TDRD1: variants seen among roughly 807,000 people sequenced by gnomAD.
TDRD1 encodes tudor domain containing 1.
Under a neutral mutation model 140.6 loss-of-function variants are expected in TDRD1, and 37 were observed. The ratio of observed to expected loss-of-function variants is 0.26; its 90% CI spans 0.20 to 0.35. The LOEUF is 0.35. Among genes scored for constraint, TDRD1 ranks in the 10% least tolerant of loss-of-function variants. The pLI is 1.00. For synonymous variants in TDRD1, 506 were observed against 475.7 expected (o/e 1.06, Z -0.83); for missense variants, 1,243 against 1,393.0 (o/e 0.89, Z 1.71).
rs1484477485 is a variant in TDRD1 at position 114,220,553 on chromosome 10, G to C, written c.2495-15G>C. 2 of 1,599,466 alleles carry C rather than the reference G, an allele frequency of 1.3e-6. No homozygotes were observed. The highest frequency in any genetic ancestry group is 3.4e-5 in the Admixed American group (2 of 59,482). On this transcript the variant is annotated splice_polypyrimidine_tract_variant and intron_variant, in intron 18 of 25. Coordinates refer to ENST00000251864, the Ensembl canonical transcript of TDRD1. The stretch of plus-strand genomic sequence containing the variant: ...TGTTCATAGGATTCTTTTTACTGCT[G>C]TCCTTATTTTCTAGATATACAGTCT...
chr10:114,211,117 A>T, intron 13 of TDRD1, 150 bp downstream of exon 13: 1 of 637,740 alleles, frequency 1.6e-6, no homozygotes. Context: ...ATGTTTTTAA[A>T]TAGATCAAAT....
At chr10:114,211,063 A>C in intron 13 of TDRD1, 96 bp downstream of exon 13, 1 of 930,116 alleles carries the variant, frequency 1.1e-6, no homozygotes, top group South Asian at 1.9e-5. Flanking sequence ...TTTGGTTTGC[A>C]CTGATGGCTG....
chr10:114,203,994 A>G (rs919169715), intron 8 of TDRD1, 79 bp from the exon 9 acceptor site: 67 of 1,521,952 alleles, frequency 4.4e-5, no homozygotes, highest in Middle Eastern at 4.7e-4. Flanking sequence ...TGCACGTTCT[A>G]TAGATTGATT....
intron 16 of TDRD1, among the ~76,000 whole-genome samples, chr10:114,214,878 T>C (rs2035713357): frequency 6.6e-6 from 1 of 152,136 alleles, no homozygotes; most frequent in East Asian, 1.9e-4. Context: ...GCTGGGACTA[T>C]AGGCATGTGC....
intron 3 of TDRD1, among the ~76,000 whole-genome samples, chr10:114,194,487 T>C (rs1459695699): frequency 6.6e-6 from 1 of 152,152 alleles, no homozygotes; most frequent in Non-Finnish European, 1.5e-5. Context: ...CCAGTATTAT[T>C]TTCAGTATTA....
chr10:114,186,234 TC>T (rs1484963082), intron 1 of TDRD1, among the ~76,000 whole-genome samples: 1 of 151,844 alleles, frequency 6.6e-6, no homozygotes, highest in Non-Finnish European at 1.5e-5. Flanking sequence ...ACTTTATTCC[TC>T]CCCCAACCAC....
chr10:114,229,803 CTA>C (rs201590552), intron 25 of TDRD1, among the ~76,000 whole-genome samples: 109 of 144,358 alleles, frequency 7.6e-4, no homozygotes, highest in African/African-American at 2.4e-3. Context: ...TATCAAGTCA[CTA>C]TATATATATA....
chr10:114,221,495 A>G lies in TDRD1; in HGVS notation c.2890+19A>G, dbSNP rs369724149. 73 of 1,608,956 alleles carry G rather than the reference A, an allele frequency of 4.5e-5. No individual in the cohort carries two copies. Among genetic ancestry groups the G allele is most frequent in the Non-Finnish European group, 6.1e-5 (72 of 1,177,594 alleles). ...ATGCCAGGTAAGAAACCAAAATTTG[A>G]GACATATTTATGCTCATCTTTTAAA... On this transcript the variant is annotated intron_variant, in intron 20 of 25. Coordinates refer to ENST00000251864, the Ensembl canonical transcript of TDRD1.
At chr10:114,221,414 A>G (rs771342612) in exon 20 of TDRD1, 1 of 1,613,434 alleles carries the variant, frequency 6.2e-7, no homozygotes, top group Non-Finnish European at 8.5e-7. Context: ...AAAACTATAC[A>G]AGCAAATGTA....
At position 114,228,136 on chromosome 10, in the gene TDRD1, T is replaced by G. The variant is rs957264092; in HGVS notation, c.3538+11T>G. 6 of 1,570,286 alleles carry G rather than the reference T, an allele frequency of 3.8e-6. No individual in the cohort carries two copies. The African/African-American group carries it at 6.8e-5, about 18-fold the overall frequency. On this transcript the variant is annotated intron_variant, in intron 25 of 25. Coordinates refer to ENST00000251864, the Ensembl canonical transcript of TDRD1. ...AAAAACTGTTAAAAAGTTAAGTAAG[T>G]TAAATCGTATGTTTTCGCCTCTTCT...
intron 11 of TDRD1, among the ~76,000 whole-genome samples, chr10:114,209,567 T>C (rs567736678): frequency 6.6e-6 from 1 of 152,374 alleles, no homozygotes; most frequent in African/African-American, 2.4e-5. Context: ...ACTTTTACAC[T>C]TGAGATCATT....
At chr10:114,179,747 T>C (rs2032874876) in intron 1 of TDRD1, 1 of 152,032 alleles carries the variant, frequency 6.6e-6, no homozygotes, top group Non-Finnish European at 1.5e-5. Context: ...TTTACTAGAC[T>C]TTTTTTTCCC....
At chr10:114,185,983 G>A (rs1455265291) in intron 1 of TDRD1, among the ~76,000 whole-genome samples, 1 of 152,060 alleles carries the variant, frequency 6.6e-6, no homozygotes, top group Non-Finnish European at 1.5e-5. Context: ...TGCCTTTTGT[G>A]CCTAACATTT....
At chr10:114,207,086 C>T (rs1056007694) in intron 11 of TDRD1, among the ~76,000 whole-genome samples, 2 of 152,326 alleles carry the variant, frequency 1.3e-5, no homozygotes, top group African/African-American at 2.4e-5. Context: ...AACAAGAGAA[C>T]CAAGAAATTT....
intron 1 of TDRD1, among the ~76,000 whole-genome samples, chr10:114,182,124 G>A (rs191195596): frequency 8.5e-5 from 13 of 152,300 alleles, no homozygotes; most frequent in African/African-American, 2.4e-4. Flanking sequence ...TCCTGTTGAC[G>A]GGCTGCCAAC....
intron 16 of TDRD1, among the ~76,000 whole-genome samples, chr10:114,215,301 C>T (rs2035747808): frequency 6.6e-6 from 1 of 152,108 alleles, no homozygotes; most frequent in East Asian, 1.9e-4. Context: ...CAGTTTCTTT[C>T]TACCATTGGA....
rs76939835 is a variant in TDRD1, at chr10:114,185,132, C to T, written c.-6-2694C>T. ...TCCTTCAGTCGGGTTTTGTTTTACA[C>T]ACCTCAAAACAACATTATAATGATT... On this transcript the variant is annotated intron_variant, in intron 1 of 25. Coordinates refer to ENST00000251864, the Ensembl canonical transcript of TDRD1. 3.9e-5 allele frequency among the ~76,000 whole-genome samples: 6 copies of T among 152,274 alleles called. No homozygotes were observed. The East Asian group carries it at 1.2e-3, about 29-fold the overall frequency.
chr10:114,196,473 C>A (rs1297437432), intron 3 of TDRD1, among the ~76,000 whole-genome samples: 1 of 152,086 alleles, frequency 6.6e-6, no homozygotes, highest in Non-Finnish European at 1.5e-5. Flanking sequence ...TTGTCACTTT[C>A]TTCTGGCCTC....
chr10:114,228,373 T>C, intron 25 of TDRD1: 2 of 1,230,260 alleles, frequency 1.6e-6, no homozygotes, highest in Non-Finnish European at 2.0e-6. Flanking sequence ...CTTTCCTTAC[T>C]GTTGTTTGGT....
Sources: allele counts gnomAD v4.1 joint callset (sites outside exome capture counted in the v4.1 genomes callset), GRCh38; gene constraint gnomAD v4.1.1; transcripts MANE v1.5; gene names NCBI Gene and HGNC (gene_info 2026-07-23, HGNC 2026-07-21).